Variants in EMILIN2 observed in about 807,000 individuals in gnomAD.
EMILIN2 encodes EMILIN-2.
A neutral mutation model predicts 87.1 loss-of-function variants in EMILIN2; 71 were observed. That is an observed-to-expected ratio of 0.82 (90% confidence interval 0.67 to 0.99). The LOEUF is 0.99. Among genes scored for constraint, EMILIN2 ranks in the 50% least tolerant of loss-of-function variants. EMILIN2 has a pLI of 0.00. For missense variants in EMILIN2, 1,407 were observed against 1,371.8 expected (o/e 1.03, Z -0.40); for synonymous variants, 581 against 563.4 (o/e 1.03, Z -0.44).
intron 4 of EMILIN2, among the ~76,000 whole-genome samples, chr18:2,905,562 A>G (rs555865102): frequency 6.6e-6 from 1 of 152,004 alleles, no homozygotes; most frequent in East Asian, 1.9e-4. Flanking sequence ...CTGTTGTGCT[A>G]TCAGATACTA....
In EMILIN2 at chr18:2,905,775, G is replaced by GTT. The variant is rs1006831509; in HGVS notation, c.2360-1002_2360-1001dup. Among the ~76,000 whole-genome samples the GTT allele has an allele frequency of 3.7e-4, 34 of 92,706 alleles. 1 individual carries two copies. The highest frequency in any genetic ancestry group is 9.5e-4 in the East Asian group (2 of 2,110). 60.8% of individuals were successfully genotyped at this position (92,706 alleles called of 152,430 possible). A position where few individuals can be genotyped will look rare whatever the true frequency, so the allele number is the denominator to read the frequency against. ...GCTCCACTACCCCGGGCTAATTTTT[G>GTT]TTTTTTTGTTTTTTTTTTTTGGATA... On this transcript the variant is annotated intron_variant, in intron 4 of 7. Coordinates refer to ENST00000254528, the MANE Select transcript of EMILIN2 (RefSeq NM_032048.3).
chr18:2,879,270 C>T (rs1321486893), intron 2 of EMILIN2, among the ~76,000 whole-genome samples: 1 of 152,232 alleles, frequency 6.6e-6, no homozygotes, highest in Non-Finnish European at 1.5e-5. Context: ...CGCTGCCCAA[C>T]ACTGCAAGTG....
Position 2,891,988 on chromosome 18 carries a change from G to C in EMILIN2, c.1861G>C (p.Asp621His), listed in dbSNP as rs1468931295. The C allele has an allele frequency of 6.2e-7, 1 of 1,614,234 alleles. No homozygotes were observed. The highest frequency in any genetic ancestry group is 1.1e-5 in the South Asian group (1 of 91,086). ...TTCTCAATTAAACCACACAGAAAAT[G>C]ATGTGACTCATCTTCAAAAGGAAAT... ...LYSQLNHTENDVTHLQKEMSN... is the reference protein window; with the variant it reads ...LYSQLNHTENHVTHLQKEMSN... The change falls in exon 4 of 8, where the codon GAT becomes CAT. Residue 621 changes from aspartate (D) to histidine (H), a missense_variant. Asp to His is a moderately conservative substitution (Grantham distance 81, BLOSUM62 -1). Transcript: ENST00000254528. This position sits in a 1 kb window ranked among gnomAD's most constrained non-coding sequence, Gnocchi z 4.6.
chr18:2,908,874 AGG>A (rs1210879428), intron 5 of EMILIN2, 67 bp from the exon 6 acceptor site: 2 of 1,580,938 alleles, frequency 1.3e-6, no homozygotes, highest in African/African-American at 2.7e-5. Flanking sequence ...CAGAGGAAAA[AGG>A]GGGCTCAGAA....
rs561361438 is a variant in EMILIN2 at position 2,883,920 on chromosome 18, C to T, written c.258-1044C>T. On this transcript the variant is annotated intron_variant, in intron 2 of 7. Transcript: ENST00000254528. Reference sequence around the variant, plus strand: ...GGAGGTGCAGCGGTAAACACACAGACATGATGGAGAGCAGGGTGCCAGGGA... The same window carrying T: ...GGAGGTGCAGCGGTAAACACACAGATATGATGGAGAGCAGGGTGCCAGGGA... 1.6e-4 allele frequency among the ~76,000 whole-genome samples: 25 copies of T among 152,276 alleles called. 1 individual carries two copies. Among genetic ancestry groups the T allele is most frequent in the African/African-American group, 5.5e-4 (23 of 41,572 alleles).
chr18:2,891,761 A>G lies in EMILIN2; in HGVS notation c.1634A>G (p.Lys545Arg), dbSNP rs1209785789. 1 of 1,614,082 alleles carries G rather than the reference A, an allele frequency of 6.2e-7. No homozygotes were observed. Among genetic ancestry groups the G allele is most frequent in the African/African-American group, 1.3e-5 (1 of 74,924 alleles). Residue 545 changes from lysine (K) to arginine (R), a missense_variant, in exon 4 of 8, where the codon AAA becomes AGA. Coordinates refer to ENST00000254528, the MANE Select transcript of EMILIN2 (RefSeq NM_032048.3). This position sits in a 1 kb window ranked among gnomAD's most constrained non-coding sequence, Gnocchi z 4.6. ...ATGGAATTAAACCACCTGAAGGACA[A>G]AGTTCAAGTTGTTGAAGACATTTGC... ...VMMELNHLKDKVQVVEDICLL... is the reference protein window; with the variant it reads ...VMMELNHLKDRVQVVEDICLL...
At chr18:2,905,060 GC>G (rs1043290933) in intron 4 of EMILIN2, among the ~76,000 whole-genome samples, 3 of 152,062 alleles carry the variant, frequency 2.0e-5, no homozygotes, top group Non-Finnish European at 4.4e-5. Context: ...GTCTAACCCA[GC>G]CTTTCTCAAC....
chr18:2,882,481 G>A (rs1049236477), intron 2 of EMILIN2, among the ~76,000 whole-genome samples: 1 of 152,194 alleles, frequency 6.6e-6, no homozygotes, highest in Non-Finnish European at 1.5e-5. Context: ...GGCCGGGTGT[G>A]GTGGCTCATG....
chr18:2,847,112 C>G lies in EMILIN2; in HGVS notation c.-77C>G, dbSNP rs1262455034. 19 of 1,072,822 alleles carry G rather than the reference C, an allele frequency of 1.8e-5. No homozygotes were observed. The highest frequency in any genetic ancestry group is 2.2e-5 in the Non-Finnish European group (19 of 881,664). 66.5% of individuals were successfully genotyped at this position (1,072,822 alleles called of 1,614,324 possible). A position where few individuals can be genotyped will look rare whatever the true frequency, so the allele number is the denominator to read the frequency against. ...GCCTTCGCGGGCGGCGCCCTGGCCG[C>G]CGGCAGCCTTGTGGCCGGTGCCCCG... is the stretch of plus-strand genomic sequence containing the variant. On this transcript the variant is annotated 5_prime_UTR_variant, in exon 1 of 8. Coordinates refer to ENST00000254528, the MANE Select transcript of EMILIN2 (RefSeq NM_032048.3). This position sits in a 1 kb window ranked among gnomAD's most constrained non-coding sequence, Gnocchi z 4.5.
Position 2,890,067 on chromosome 18 carries a change from A to G in EMILIN2, c.434-494A>G, listed in dbSNP as rs2076826585. 6.6e-6 allele frequency among the ~76,000 whole-genome samples: 1 copy of G among 152,194 alleles called. No individual in the cohort carries two copies. The highest frequency in any genetic ancestry group is 2.4e-5 in the African/African-American group (1 of 41,452). On this transcript the variant is annotated intron_variant, in intron 3 of 7. Coordinates refer to ENST00000254528, the MANE Select transcript of EMILIN2 (RefSeq NM_032048.3). This position sits in a 1 kb window ranked among gnomAD's most constrained non-coding sequence, Gnocchi z 4.7. ...ACATCAGAAAATATGATATCATATG[A>G]TATCACCATCCAACAGCTAATGGGT... is the stretch of plus-strand genomic sequence containing the variant.
rs1389387696 is a variant in EMILIN2, at chr18:2,891,891, C to T, written c.1764C>T (p.Asp588=). 1 of 1,614,226 alleles carries T rather than the reference C, an allele frequency of 6.2e-7. No homozygotes were observed. The highest frequency in any genetic ancestry group is 1.3e-5 in the African/African-American group (1 of 75,058). ...DSLHLLKSLN[D]TMHRKFQETE... is the part of the protein sequence containing the mutation. ...TGCACCTTTTGAAATCTCTCAACGA[C>T]ACGATGCACAGGAAGTTTCAAGAAA... The change falls in exon 4 of 8, where the codon GAC becomes GAT. Residue 588 remains aspartate (D), a synonymous_variant. Transcript: ENST00000254528. The surrounding 1 kb of genome is among the most constrained non-coding windows in gnomAD (Gnocchi z 4.6).
rs1313085387 is a variant in EMILIN2 at position 2,891,540 on chromosome 18, T to G, written c.1413T>G (p.Ile471Met). Residue 471 changes from isoleucine (I) to methionine (M), a missense_variant, in exon 4 of 8, where the codon ATT becomes ATG. Transcript: ENST00000254528. The surrounding 1 kb of genome is among the most constrained non-coding windows in gnomAD (Gnocchi z 4.6). ...EKNAEEHCFYIEETLRGAING... is the reference protein window; with the variant it reads ...EKNAEEHCFYMEETLRGAING... The stretch of plus-strand genomic sequence containing the variant: ...ACGCTGAAGAACATTGCTTTTACAT[T>G]GAGGAAACCCTTCGGGGCGCCATTA... 3.1e-6 allele frequency: 5 copies of G among 1,614,114 alleles called. No homozygotes were observed. Among genetic ancestry groups the G allele is most frequent in the Non-Finnish European group, 3.4e-6 (4 of 1,180,030 alleles).
At chr18:2,865,249 G>A (rs549881191) in intron 2 of EMILIN2, among the ~76,000 whole-genome samples, 44 of 152,276 alleles carry the variant, frequency 2.9e-4, no homozygotes, top group Non-Finnish European at 4.9e-4. Context: ...GCTTTGTTCC[G>A]CTGCTGGTGA....
At chr18:2,873,269 A>G (rs1478334721) in intron 2 of EMILIN2, among the ~76,000 whole-genome samples, 4 of 151,878 alleles carry the variant, frequency 2.6e-5, no homozygotes, top group Non-Finnish European at 5.9e-5. Flanking sequence ...AATTACCCAG[A>G]CATGGTGGCA....
At chr18:2,893,485 A>G (rs1490378041) in intron 4 of EMILIN2, among the ~76,000 whole-genome samples, 1 of 152,226 alleles carries the variant, frequency 6.6e-6, no homozygotes, top group Admixed American at 6.5e-5. Flanking sequence ...TGCTGGCTAC[A>G]CCTTAGGCAC....
chr18:2,874,321 C>CTAG (rs1162517076), intron 2 of EMILIN2, among the ~76,000 whole-genome samples: 1 of 152,106 alleles, frequency 6.6e-6, no homozygotes, highest in Non-Finnish European at 1.5e-5. Context: ...TCCTGAGTGG[C>CTAG]TAGGACTCCA....
chr18:2,858,836 A>C (rs1053386399), intron 2 of EMILIN2, among the ~76,000 whole-genome samples: 1 of 151,140 alleles, frequency 6.6e-6, no homozygotes, highest in South Asian at 2.1e-4. Context: ...GGGTTTCACC[A>C]TGTTGGCCAG....
At chr18:2,902,036 C>A (rs1342347233) in intron 4 of EMILIN2, among the ~76,000 whole-genome samples, 1 of 152,196 alleles carries the variant, frequency 6.6e-6, no homozygotes, top group Non-Finnish European at 1.5e-5. Context: ...TTTCCTCTGC[C>A]TTCCACTAGT....
chr18:2,905,895 A>C (rs1268965174), intron 4 of EMILIN2, among the ~76,000 whole-genome samples: 1 of 150,236 alleles, frequency 6.7e-6, no homozygotes, highest in Non-Finnish European at 1.5e-5. Context: ...AAGTGCTGGG[A>C]TTACGGGCGT....
Sources: allele counts gnomAD v4.1 joint callset (sites outside exome capture counted in the v4.1 genomes callset), GRCh38; gene constraint gnomAD v4.1.1; non-coding constraint Gnocchi (gnomAD v3.1); transcripts MANE v1.5; gene names NCBI Gene and HGNC (gene_info 2026-07-23, HGNC 2026-07-21).